NYAP2: variants seen among roughly 807,000 people sequenced by gnomAD.
NYAP2 encodes neuronal tyrosine-phosphorylated phosphoinositide-3-kinase adapter 2.
A neutral mutation model predicts 50.4 loss-of-function variants in NYAP2; 23 were observed. The ratio of observed to expected loss-of-function variants is 0.46; its 90% confidence interval spans 0.33 to 0.65. The LOEUF (loss-of-function observed/expected upper bound fraction) is 0.65. Ranked by LOEUF, NYAP2 falls within the 30% of genes least tolerant of loss-of-function variation. The pLI, the probability that NYAP2 is intolerant of heterozygous loss-of-function variation, is 0.02. For missense variants in NYAP2, 885 were observed against 861.0 expected (o/e 1.03, Z -0.35); for synonymous variants, 394 against 365.2 (o/e 1.08, Z -0.90).
downstream of NYAP2, among the ~76,000 whole-genome samples, chr2:225,657,573 GT>G (rs1693847778): frequency 7.0e-6 from 1 of 142,740 alleles, no homozygotes; most frequent in Non-Finnish European, 1.5e-5. Flanking sequence ...CAATTTTGCT[GT>G]GAACCTAAAA....
At chr2:225,403,141 T>G (rs572514427) in intron 2 of NYAP2, among the ~76,000 whole-genome samples, 2 of 152,082 alleles carry the variant, frequency 1.3e-5, no homozygotes, top group South Asian at 4.1e-4. Flanking sequence ...TGGGAAACTT[T>G]TATTGGATCA....
At chr2:225,541,695 T>C (rs2106204129) in intron 4 of NYAP2, among the ~76,000 whole-genome samples, 1 of 152,270 alleles carries the variant, frequency 6.6e-6, no homozygotes, top group South Asian at 2.1e-4. Flanking sequence ...TTACTATACC[T>C]CTGCAATATC....
intron 3 of NYAP2, among the ~76,000 whole-genome samples, chr2:225,457,678 A>G (rs1036163659): frequency 1.2e-4 from 18 of 152,230 alleles, no homozygotes; most frequent in Admixed American, 1.2e-3. Flanking sequence ...AGATGACTCA[A>G]TTATGCCATA....
intron 4 of NYAP2, among the ~76,000 whole-genome samples, chr2:225,563,841 A>C (rs1274887075): frequency 6.6e-6 from 1 of 152,068 alleles, no homozygotes; most frequent in Non-Finnish European, 1.5e-5. Context: ...TATGTGTTGA[A>C]GTTTAATTTT....
chr2:225,664,748 C>T, the NYAP2 span, among the ~76,000 whole-genome samples: 12 of 151,852 alleles, frequency 7.9e-5, no homozygotes, highest in South Asian at 2.1e-4. Context: ...TGGTGGCGGG[C>T]GCCTGTAGTT....
At position 225,406,345 on chromosome 2, in the gene NYAP2, G is replaced by A. The variant is rs142801480; in HGVS notation, c.-17-2519G>A. On this transcript the variant is annotated intron_variant, in intron 2 of 6. Coordinates refer to ENST00000636099, the Ensembl canonical transcript of NYAP2. Reference sequence around the variant, plus strand: ...ATTGACAGGGCCTGTGACCGTTTTCGGAGACTAACACGACTGTTGAAAAAT... The same window carrying A: ...ATTGACAGGGCCTGTGACCGTTTTCAGAGACTAACACGACTGTTGAAAAAT... Among the ~76,000 whole-genome samples, 1,194 of 151,862 alleles carry A rather than the reference G, an allele frequency of 7.9e-3. 55 individuals are homozygous for A. Among genetic ancestry groups the A allele is most frequent in the Admixed American group, 0.071 (1,075 of 15,208 alleles).
downstream of NYAP2, chr2:225,654,119 A>G (rs1157076380): frequency 3.3e-5 from 5 of 152,218 alleles, no homozygotes; most frequent in Non-Finnish European, 7.3e-5. Context: ...ATGTCTGTTT[A>G]AATTACAACT....
intron 3 of NYAP2, among the ~76,000 whole-genome samples, chr2:225,461,334 C>A (rs1457042885): frequency 6.6e-6 from 1 of 152,214 alleles, no homozygotes; most frequent in Non-Finnish European, 1.5e-5. Context: ...CCAGGTTGTG[C>A]ACAACCCTCC....
the NYAP2 span, among the ~76,000 whole-genome samples, chr2:225,678,056 T>C: frequency 1.3e-5 from 2 of 152,112 alleles, no homozygotes; most frequent in Non-Finnish European, 2.9e-5. Flanking sequence ...GTCTCTTTTT[T>C]GGTTGGTTGT....
At chr2:225,410,429 T>A (rs1327638265) in intron 3 of NYAP2, among the ~76,000 whole-genome samples, 1 of 152,026 alleles carries the variant, frequency 6.6e-6, no homozygotes, top group Non-Finnish European at 1.5e-5. Flanking sequence ...TTAGGACATT[T>A]TTTTTTTCTG....
At chr2:225,630,788 G>A (rs185025202) in intron 6 of NYAP2, among the ~76,000 whole-genome samples, 254 of 152,350 alleles carry the variant, frequency 1.7e-3, no homozygotes, top group Non-Finnish European at 2.6e-3. Context: ...ACCCAATGAT[G>A]ACTCTGTGGC....
intron 3 of NYAP2, among the ~76,000 whole-genome samples, chr2:225,507,295 T>A (rs1690724149): frequency 6.6e-6 from 1 of 152,220 alleles, no homozygotes; most frequent in African/African-American, 2.4e-5. Flanking sequence ...CCCCTGTCAC[T>A]TTTGAAGATG....
At chr2:225,463,717 C>G (rs978681881) in intron 3 of NYAP2, among the ~76,000 whole-genome samples, 1 of 152,210 alleles carries the variant, frequency 6.6e-6, no homozygotes, top group Non-Finnish European at 1.5e-5. Flanking sequence ...TTATATGCTA[C>G]CAGAAAATCC....
chr2:225,523,005 A>G (rs1691093278), intron 4 of NYAP2, among the ~76,000 whole-genome samples: 1 of 152,140 alleles, frequency 6.6e-6, no homozygotes, highest in Non-Finnish European at 1.5e-5. Flanking sequence ...CAACCTGGAG[A>G]CAGTTGAAGA....
chr2:225,618,121 G>A (rs1389620015), intron 5 of NYAP2, among the ~76,000 whole-genome samples: 1 of 152,142 alleles, frequency 6.6e-6, no homozygotes, highest in Admixed American at 6.5e-5. Context: ...TGTTTGCTTA[G>A]GTTGCAGAAA....
the NYAP2 span, among the ~76,000 whole-genome samples, chr2:225,670,838 A>C: frequency 6.6e-6 from 1 of 152,094 alleles, no homozygotes; most frequent in Non-Finnish European, 1.5e-5. Flanking sequence ...AAGTCTCAAT[A>C]ATTTTTTGGT....
intron 5 of NYAP2, among the ~76,000 whole-genome samples, chr2:225,620,482 C>G (rs900667757): frequency 6.6e-6 from 1 of 150,522 alleles, no homozygotes; most frequent in Admixed American, 6.6e-5. Context: ...CGCACACGCA[C>G]GCACGCACAC....
chr2:225,659,609 C>G, the NYAP2 span, among the ~76,000 whole-genome samples: 1 of 152,102 alleles, frequency 6.6e-6, no homozygotes, highest in African/African-American at 2.4e-5. Flanking sequence ...TGATATTAAC[C>G]AGTCAAAAAC....
Position 225,483,656 on chromosome 2 carries a change from A to G in NYAP2, c.222-29715A>G, listed in dbSNP as rs115687532. ...TAAGAAGAAAATACCTTCTAAATAAAACATACTGCTCAAAATATTTGTTCG... is the reference window on the plus strand; with the variant it reads ...TAAGAAGAAAATACCTTCTAAATAAGACATACTGCTCAAAATATTTGTTCG... On this transcript the variant is annotated intron_variant, in intron 3 of 6. Transcript: ENST00000636099. Among the ~76,000 whole-genome samples, 1,318 of 152,338 alleles carry G rather than the reference A, an allele frequency of 8.7e-3. 18 individuals are homozygous for G. The highest frequency in any genetic ancestry group is 0.03 in the African/African-American group (1,257 of 41,580).
Sources: allele counts gnomAD v4.1 joint callset (sites outside exome capture counted in the v4.1 genomes callset), GRCh38; gene constraint gnomAD v4.1.1; transcripts MANE v1.5; gene names NCBI Gene and HGNC (gene_info 2026-07-23, HGNC 2026-07-21).